Variants in FAM117A observed in about 807,000 individuals in gnomAD.
The protein encoded by FAM117A is protein FAM117A.
A neutral mutation model predicts 44.1 loss-of-function variants in FAM117A; 21 were observed. The ratio of observed to expected loss-of-function variants is 0.48; its 90% CI spans 0.34 to 0.69. The LOEUF is 0.69. Ranked by LOEUF, FAM117A falls within the 30% of genes least tolerant of loss-of-function variation. The pLI, the probability that FAM117A is intolerant of heterozygous loss-of-function variation, is 0.01. For synonymous variants in FAM117A, 220 were observed against 238.3 expected (o/e 0.92, Z 0.71); for missense variants, 498 against 589.9 (o/e 0.84, Z 1.61).
At chr17:49,727,265 G>A (rs1387178030) in intron 2 of FAM117A, among the ~76,000 whole-genome samples, 4 of 151,384 alleles carry the variant, frequency 2.6e-5, no homozygotes, top group African/African-American at 7.3e-5. Context: ...ACAATTGGCC[G>A]GGCATGGTTG....
intron 7 of FAM117A, among the ~76,000 whole-genome samples, chr17:49,715,029 T>A: frequency 6.6e-6 from 1 of 152,126 alleles, no homozygotes; most frequent in East Asian, 1.9e-4. Flanking sequence ...ACTGAGTCTA[T>A]GAAAAAATCA....
chr17:49,719,845 G>A lies in FAM117A; in HGVS notation c.623C>T (p.Pro208Leu), dbSNP rs1236017519. 1.2e-6 allele frequency: 2 copies of A among 1,608,214 alleles called. No homozygotes were observed. The highest frequency in any genetic ancestry group is 1.7e-6 in the Non-Finnish European group (2 of 1,178,110). The change falls in exon 5 of 8, where the codon CCC becomes CTC. Residue 208 changes from proline (P) to leucine (L), a missense_variant. This residue lies in a region of FAM117A where 270 missense variants were observed against 277.4 expected (regional missense o/e 0.97). Coordinates refer to ENST00000240364, the MANE Select transcript of FAM117A (RefSeq NM_030802.4). ...CCCTTCCAGGCTCCTGTGCAGGCAG[G>A]GGCTGAGTCGCAAGACAGGGGACCC... ...PSGSPVLRLS[P>L]CLHRSLEGLN... is the part of the protein sequence containing the mutation.
At chr17:49,782,689 C>CAAA (rs74562078) in intron 1 of FAM117A, among the ~76,000 whole-genome samples, 129 of 55,944 alleles carry the variant, frequency 2.3e-3, no homozygotes, top group African/African-American at 6.2e-3. Flanking sequence ...GACTTTGTCT[C>CAAA]AAAAAAAAAA....
rs1287731022 is a variant in FAM117A, at chr17:49,788,255, C to T, written c.-621+242G>A. Among the ~76,000 whole-genome samples, 2 of 152,170 alleles carry T rather than the reference C, an allele frequency of 1.3e-5. 1 individual carries two copies. Among genetic ancestry groups the T allele is most frequent in the African/African-American group, 4.8e-5 (2 of 41,446 alleles). ...TTCTTAAAATACAAAGTTTCTTTTA[C>T]AAAACATCCCTCCGCAACTTTGAGT... On this transcript the variant is annotated intron_variant, in intron 1 of 7. Coordinates refer to the FAM117A transcript ENST00000513602.
At chr17:49,733,421 G>A (rs2073595494) in intron 1 of FAM117A, among the ~76,000 whole-genome samples, 2 of 152,194 alleles carry the variant, frequency 1.3e-5, no homozygotes, top group South Asian at 4.1e-4. Context: ...GCTCATGCTT[G>A]TAATCCCAGC....
chr17:49,781,043 C>T (rs763026724), intron 1 of FAM117A, among the ~76,000 whole-genome samples: 13 of 151,962 alleles, frequency 8.6e-5, no homozygotes, highest in Non-Finnish European at 1.5e-4. Flanking sequence ...ATTGGCCATG[C>T]TGGTCTCGAA....
At chr17:49,720,091 G>T in intron 4 of FAM117A, 197 bp from the exon 5 acceptor site, 2 of 731,660 alleles carry the variant, frequency 2.7e-6, no homozygotes, top group Non-Finnish European at 2.2e-6. Flanking sequence ...AGTCTACTGT[G>T]TGCTGTAGAG....
At chr17:49,746,516 C>T (rs774457937) in intron 1 of FAM117A, among the ~76,000 whole-genome samples, 1 of 152,118 alleles carries the variant, frequency 6.6e-6, no homozygotes, top group South Asian at 2.1e-4. Context: ...TAAGTTAATG[C>T]AAGGTAGAAT....
chr17:49,711,260 C>G lies in FAM117A; in HGVS notation c.1357G>C (p.Val453Leu). Residue 453 changes from valine to leucine, a missense_variant, in exon 8 of 8, where the codon GTC (valine) becomes CTC (leucine). By Grantham distance (32) the Val-to-Leu change is conservative. Coordinates refer to ENST00000240364, the MANE Select transcript of FAM117A (RefSeq NM_030802.4). ...GTGGGGCAGGGGTGGGACCCTCAGA[C>G]CATCAGGGAGCTCTGGAAAAGCACA... is the stretch of plus-strand genomic sequence containing the variant. ...EPVLFQSSLMV is the reference protein window; with the variant it reads ...EPVLFQSSLML 6.2e-7 allele frequency: 1 copy of G among 1,600,690 alleles called. No individual in the cohort carries two copies. Among genetic ancestry groups the G allele is most frequent in the Non-Finnish European group, 8.5e-7 (1 of 1,172,460 alleles).
Position 49,711,294 on chromosome 17 carries a change from T to G in FAM117A, c.1323A>C (p.Ser441=). ...PFEPWQRTPP[S]EEPVLFQSSL... is the part of the protein sequence containing the mutation. ...AGCTCTGGAAAAGCACAGGCTCTTC[T>G]GATGGTGGGGTGCGCTGCCATGGCT... Residue 441 remains serine, a synonymous_variant, in exon 8 of 8, where the codon TCA becomes TCC. Coordinates refer to ENST00000240364, the MANE Select transcript of FAM117A (RefSeq NM_030802.4). 2 of 1,609,634 alleles carry G rather than the reference T, an allele frequency of 1.2e-6. No homozygotes were observed. The highest frequency in any genetic ancestry group is 8.5e-7 in the Non-Finnish European group (1 of 1,177,220).
intron 1 of FAM117A, among the ~76,000 whole-genome samples, chr17:49,749,373 A>G (rs958178525): frequency 1.9e-4 from 29 of 151,876 alleles, no homozygotes. Flanking sequence ...TCAGGAGATC[A>G]AGACCATCCT....
chr17:49,721,942 T>A lies in FAM117A; in HGVS notation c.462+557A>T, dbSNP rs187869619. Reference sequence around the variant, plus strand: ...CATCTCTACTAAAAAAAAAAAAAAATTCAAAAATTAGGTGGCTGTGGTGGT... The same window carrying A: ...CATCTCTACTAAAAAAAAAAAAAAAATCAAAAATTAGGTGGCTGTGGTGGT... On this transcript the variant is annotated intron_variant, in intron 3 of 7. Transcript: ENST00000240364. 2.0e-4 allele frequency among the ~76,000 whole-genome samples: 30 copies of A among 148,062 alleles called. No homozygotes were observed. The East Asian group carries it at 5.9e-3, about 29-fold the overall frequency.
At chr17:49,785,674 T>G (rs184225743) in intron 1 of FAM117A, among the ~76,000 whole-genome samples, 20 of 152,298 alleles carry the variant, frequency 1.3e-4, no homozygotes, top group Admixed American at 1.3e-3. Flanking sequence ...TATTATCTGT[T>G]TGGGAAGGGA....
intron 7 of FAM117A, among the ~76,000 whole-genome samples, chr17:49,713,089 T>C (rs1305191180): frequency 6.6e-6 from 1 of 152,168 alleles, no homozygotes; most frequent in Non-Finnish European, 1.5e-5. Flanking sequence ...AGTCTCACTA[T>C]GTTGACCAGG....
chr17:49,732,329 C>T (rs780463537), intron 2 of FAM117A: 18 of 377,016 alleles, frequency 4.8e-5, no homozygotes, highest in Admixed American at 7.4e-5. Context: ...CACTTGAACC[C>T]GGGAGGCAGA....
intron 1 of FAM117A, among the ~76,000 whole-genome samples, chr17:49,758,634 AAATAAAATAAAT>A (rs1353233906): frequency 2.7e-5 from 3 of 109,454 alleles, no homozygotes; most frequent in East Asian, 2.4e-4. Context: ...AAAAAAAAAA[AAATAAAATAAAT>A]AAATAAATAA....
chr17:49,772,542 AAGATCGAGACCAT>A (rs1302494179), intron 1 of FAM117A, among the ~76,000 whole-genome samples: 1 of 150,834 alleles, frequency 6.6e-6, no homozygotes, highest in Admixed American at 6.6e-5. Flanking sequence ...ACGAGGTCAG[AAGATCGAGACCAT>A]CCTGGCTAAC....
At chr17:49,767,886 G>C (rs1376746509), upstream of FAM117A, among the ~76,000 whole-genome samples, 5 of 151,680 alleles carry the variant, frequency 3.3e-5, no homozygotes, top group Middle Eastern at 3.2e-3. Flanking sequence ...CTGGGCGACA[G>C]AGCAAGACTG....
At chr17:49,782,498 C>T (rs116851482) in intron 1 of FAM117A, among the ~76,000 whole-genome samples, 8,254 of 151,164 alleles carry the variant, frequency 0.055, 279 homozygotes, top group Admixed American at 0.098. Flanking sequence ...GAGACCAGCC[C>T]GGGCAACATG....
Sources: gnomAD v4.1 joint callset for allele counts (sites outside exome capture counted in the v4.1 genomes callset) on GRCh38, gnomAD v4.1.1 for gene constraint, gnomAD v4.1.1 regional missense constraint, MANE v1.5 for transcripts, NCBI Gene and HGNC (gene_info 2026-07-23, HGNC 2026-07-21) for gene names.